ESRRG: variants seen among roughly 807,000 people sequenced by gnomAD.
ESRRG encodes the protein estrogen-related receptor gamma.
In ESRRG, 13 loss-of-function variants were observed where a neutral mutation model predicts 44.0. That is an observed-to-expected ratio of 0.30 (90% CI 0.19 to 0.47). The LOEUF is 0.47. Ranked by LOEUF, ESRRG falls within the 20% of genes least tolerant of loss-of-function variation. The pLI is 1.00. For missense variants in ESRRG, 395 were observed against 580.6 expected (o/e 0.68, Z 3.29); for synonymous variants, 215 against 214.6 (o/e 1.00, Z -0.02).
At chr1:216,894,017 T>C (rs1355926658) in intron 2 of ESRRG, among the ~76,000 whole-genome samples, 1 of 152,222 alleles carries the variant, frequency 6.6e-6, no homozygotes, top group Non-Finnish European at 1.5e-5. Flanking sequence ...AAAGGTTTTT[T>C]CCAAAATGCA....
At chr1:216,714,157 T>C (rs2084276407) in intron 1 of ESRRG, among the ~76,000 whole-genome samples, 1 of 152,010 alleles carries the variant, frequency 6.6e-6, no homozygotes, top group African/African-American at 2.4e-5. Flanking sequence ...AAGAAAACAC[T>C]ATAAAAGCAC....
chr1:217,030,480 G>A (rs1031756568), intron 1 of ESRRG, among the ~76,000 whole-genome samples: 1 of 152,178 alleles, frequency 6.6e-6, no homozygotes, highest in African/African-American at 2.4e-5. Context: ...CTAGAAATCT[G>A]AGTTATAGTA....
At chr1:216,672,685 T>C (rs931810882) in intron 2 of ESRRG, among the ~76,000 whole-genome samples, 3 of 151,690 alleles carry the variant, frequency 2.0e-5, no homozygotes, top group African/African-American at 7.3e-5. Context: ...CTGGGCAACA[T>C]AGGGAGATCC....
intron 1 of ESRRG, among the ~76,000 whole-genome samples, chr1:216,990,134 C>T (rs1376463291): frequency 2.0e-5 from 3 of 152,168 alleles, no homozygotes; most frequent in African/African-American, 7.2e-5. Context: ...TATGGTTCTA[C>T]TCTTGGGTCA....
At chr1:216,574,299 T>C (rs1229287349) in intron 3 of ESRRG, among the ~76,000 whole-genome samples, 1 of 152,110 alleles carries the variant, frequency 6.6e-6, no homozygotes, top group East Asian at 1.9e-4. Flanking sequence ...ACAAATCTTA[T>C]ACATTGTCAG....
At chr1:217,041,403 G>A (rs544617946) in intron 1 of ESRRG, among the ~76,000 whole-genome samples, 1 of 152,216 alleles carries the variant, frequency 6.6e-6, no homozygotes, top group South Asian at 2.1e-4. Context: ...AGAGTTGAAA[G>A]AATGTCTATA....
upstream of ESRRG, among the ~76,000 whole-genome samples, chr1:217,092,961 TATG>T (rs1187376012): frequency 3.3e-5 from 5 of 151,766 alleles, no homozygotes; most frequent in African/African-American, 1.2e-4. Flanking sequence ...GGAAGCATTC[TATG>T]ATAAGGTAGA....
intron 2 of ESRRG, among the ~76,000 whole-genome samples, chr1:216,807,907 C>G (rs2094848227): frequency 6.6e-6 from 1 of 152,018 alleles, no homozygotes; most frequent in African/African-American, 2.4e-5. Context: ...CCACAAAGCC[C>G]AATAGAGTCA....
intron 2 of ESRRG, among the ~76,000 whole-genome samples, chr1:216,909,883 C>T (rs548872714): frequency 6.6e-6 from 1 of 151,994 alleles, no homozygotes; most frequent in Non-Finnish European, 1.5e-5. Context: ...TTAATAACAA[C>T]AAGCAAAACC....
intron 2 of ESRRG, among the ~76,000 whole-genome samples, chr1:216,741,086 T>G (rs1427519659): frequency 6.6e-6 from 1 of 150,846 alleles, no homozygotes; most frequent in Non-Finnish European, 1.5e-5. Flanking sequence ...CGTCCCCATA[T>G]GGGAAGACTG....
rs190380840 is a variant in ESRRG at position 216,723,167 on chromosome 1, T to C, written c.56+77A>G. On this transcript the variant is annotated intron_variant, in intron 1 of 6. Coordinates refer to ENST00000408911, the MANE Select transcript of ESRRG (RefSeq NM_001438.4). The stretch of plus-strand genomic sequence containing the variant: ...ACCCAGGGCATTACCTGAATCAGTG[T>C]GTAAAGATATAGTCTGTCCGCCCCC... The C allele has an allele frequency of 2.3e-4, 283 of 1,205,008 alleles. 1 individual carries two copies. The African/African-American group carries it at 3.9e-3, about 17-fold the overall frequency. 74.6% of individuals were successfully genotyped at this position (1,205,008 alleles called of 1,614,324 possible). A position where few individuals can be genotyped will look rare whatever the true frequency, so the allele number is the denominator to read the frequency against.
At chr1:216,641,500 C>G (rs182763327) in intron 3 of ESRRG, among the ~76,000 whole-genome samples, 1 of 152,332 alleles carries the variant, frequency 6.6e-6, no homozygotes, top group African/African-American at 2.4e-5. Context: ...CTCAAAACAA[C>G]TGAGGCAGAT....
intron 1 of ESRRG, among the ~76,000 whole-genome samples, chr1:217,119,048 TAGAG>T: frequency 7.3e-6 from 1 of 136,914 alleles, no homozygotes; most frequent in East Asian, 2.0e-4. Flanking sequence ...GATAGATAGA[TAGAG>T]ACACAGATAC....
chr1:217,025,920 T>C (rs1018894319), intron 1 of ESRRG, among the ~76,000 whole-genome samples: 2 of 152,192 alleles, frequency 1.3e-5, no homozygotes, highest in Non-Finnish European at 2.9e-5. Flanking sequence ...GTCTCTTTTA[T>C]ACATTATTAC....
At chr1:216,790,160 C>T (rs528620527) in intron 2 of ESRRG, among the ~76,000 whole-genome samples, 70 of 152,230 alleles carry the variant, frequency 4.6e-4, no homozygotes, top group African/African-American at 1.6e-3. Flanking sequence ...AACAGAGCTG[C>T]CTGACAACCT....
At chr1:216,887,002 G>A (rs2096526566) in intron 2 of ESRRG, among the ~76,000 whole-genome samples, 1 of 152,052 alleles carries the variant, frequency 6.6e-6, no homozygotes, top group Non-Finnish European at 1.5e-5. Flanking sequence ...TCTCCCAAAG[G>A]GCTGGATTTA....
chr1:217,006,670 A>G (rs2077782997), intron 1 of ESRRG, among the ~76,000 whole-genome samples: 1 of 152,166 alleles, frequency 6.6e-6, no homozygotes, highest in Admixed American at 6.6e-5. Flanking sequence ...TATGTTTCTA[A>G]TATACCTTAT....
chr1:216,912,744 A>G (rs2060623294), intron 2 of ESRRG, among the ~76,000 whole-genome samples: 1 of 152,188 alleles, frequency 6.6e-6, no homozygotes, highest in South Asian at 2.1e-4. Context: ...TGAATACATT[A>G]TACACACAAT....
chr1:217,065,876 G>A (rs984572455), intron 1 of ESRRG, among the ~76,000 whole-genome samples: 16 of 152,092 alleles, frequency 1.1e-4, no homozygotes, highest in African/African-American at 3.6e-4. Context: ...GAGCGACCAG[G>A]GGCATTTAGA....
Sources: allele counts gnomAD v4.1 joint callset (sites outside exome capture counted in the v4.1 genomes callset), GRCh38; gene constraint gnomAD v4.1.1; transcripts MANE v1.5; gene names NCBI Gene and HGNC (gene_info 2026-07-23, HGNC 2026-07-21).